MYO18B: variants seen among roughly 807,000 people sequenced by gnomAD.
MYO18B encodes myosin XVIIIB.
MYO18B carries 204 observed loss-of-function variants against 273.0 expected under a neutral mutation model. The observed-to-expected ratio is 0.75, with a 90% CI of 0.67 to 0.84. The LOEUF is 0.84. Among genes scored for constraint, MYO18B ranks in the 40% least tolerant of loss-of-function variants. The pLI is 0.00. For missense variants in MYO18B, 3,212 were observed against 3,287.6 expected, an observed-to-expected ratio of 0.98 and a Z score of 0.56; for synonymous variants, 1,330 against 1,305.7, an observed-to-expected ratio of 1.02 and a Z score of -0.40.
At chr22:25,876,445 C>G (rs1286942402) in intron 24 of MYO18B, 113 bp downstream of exon 24, 3 of 1,195,000 alleles carry the variant, frequency 2.5e-6, no homozygotes, top group Non-Finnish European at 3.4e-6. Flanking sequence ...TCTAGGAATG[C>G]TCAGCCCAAC....
intron 34 of MYO18B, among the ~76,000 whole-genome samples, chr22:25,928,084 CATGGT>C (rs781222748): frequency 1.3e-5 from 2 of 152,022 alleles, no homozygotes; most frequent in Non-Finnish European, 2.9e-5. Context: ...TTCAGTTCGG[CATGGT>C]ATTGCTGGAG....
chr22:25,971,251 C>T (rs1394309072), intron 39 of MYO18B, among the ~76,000 whole-genome samples: 1 of 152,236 alleles, frequency 6.6e-6, no homozygotes, highest in Non-Finnish European at 1.5e-5. Flanking sequence ...AACTCTTGCT[C>T]TATGCTCTGT....
chr22:25,766,602 G>A (rs945299737), intron 3 of MYO18B, among the ~76,000 whole-genome samples: 4 of 152,154 alleles, frequency 2.6e-5, no homozygotes, highest in Non-Finnish European at 4.4e-5. Context: ...GGGTATAGAA[G>A]ATGAGTAGAC....
chr22:25,785,401 G>A (rs1272588070), intron 10 of MYO18B, 27 bp from the exon 11 acceptor site: 16 of 1,592,518 alleles, frequency 1.0e-5, no homozygotes, highest in Non-Finnish European at 1.4e-5. Context: ...CAGCCCCCCT[G>A]ACTCCTGGTT....
chr22:25,782,966 T>C (rs753956045), intron 10 of MYO18B, among the ~76,000 whole-genome samples: 1 of 152,220 alleles, frequency 6.6e-6, no homozygotes, highest in Non-Finnish European at 1.5e-5. Context: ...CTCCACTTGT[T>C]GGCTGTGTGA....
At chr22:26,024,090 T>G (rs1038534654) in intron 42 of MYO18B, among the ~76,000 whole-genome samples, 2 of 152,246 alleles carry the variant, frequency 1.3e-5, no homozygotes, top group Non-Finnish European at 2.9e-5. Context: ...CCATTCATTC[T>G]TCTATGCATC....
chr22:25,756,459 G>A (rs1227219927), intron 1 of MYO18B: 1 of 152,226 alleles, frequency 6.6e-6, no homozygotes, highest in East Asian at 1.9e-4. Flanking sequence ...GCTGATAGGC[G>A]TGGAATGGCC....
intron 39 of MYO18B, among the ~76,000 whole-genome samples, chr22:25,990,716 A>AAAAAAAAAAAAAAAAAAAAAAAAAAC: frequency 2.3e-5 from 1 of 44,362 alleles, no homozygotes; most frequent in Middle Eastern, 9.3e-3. Context: ...AAAAAAAAAA[A>AAAAAAAAAAAAAAAAAAAAAAAAAAC]AAAAGAAAAA....
chr22:25,963,160 C>CCTCTCTCT (rs35189393), intron 39 of MYO18B, among the ~76,000 whole-genome samples: 40 of 132,938 alleles, frequency 3.0e-4, no homozygotes, highest in African/African-American at 1.0e-3. Context: ...TCCTCTTTCT[C>CCTCTCTCT]CTCTCTCTCT....
chr22:25,978,522 C>G (rs180724461), intron 39 of MYO18B, among the ~76,000 whole-genome samples: 1 of 152,304 alleles, frequency 6.6e-6, no homozygotes, highest in Non-Finnish European at 1.5e-5. Flanking sequence ...AAAGTTGGGA[C>G]TGTGGGAACT....
At chr22:25,985,471 G>A (rs1421096020) in intron 39 of MYO18B, among the ~76,000 whole-genome samples, 1 of 152,146 alleles carries the variant, frequency 6.6e-6, no homozygotes, top group Admixed American at 6.5e-5. Context: ...CTTCCCAGTC[G>A]TTATTCCTGC....
chr22:25,892,678 C>T (rs916360874), intron 27 of MYO18B: 10 of 152,162 alleles, frequency 6.6e-5, no homozygotes, highest in Admixed American at 2.0e-4. Flanking sequence ...TTTTCTGTTT[C>T]ATTCTTGTTC....
chr22:25,886,054 AC>A (rs1388260926), intron 25 of MYO18B, among the ~76,000 whole-genome samples: 8 of 152,212 alleles, frequency 5.3e-5, no homozygotes, highest in Non-Finnish European at 7.3e-5. Flanking sequence ...TTAAGTAGCC[AC>A]CACCTGGCTG....
At chr22:25,876,166 G>T in intron 23 of MYO18B, 23 bp from the exon 24 acceptor site, 1 of 1,604,344 alleles carries the variant, frequency 6.2e-7, no homozygotes, top group East Asian at 2.2e-5. Context: ...GGACCCTCCA[G>T]TCTGTGTTCT....
intron 34 of MYO18B, among the ~76,000 whole-genome samples, chr22:25,935,638 G>A (rs1392624042): frequency 1.3e-5 from 2 of 152,086 alleles, no homozygotes; most frequent in African/African-American, 4.8e-5. Flanking sequence ...GGGGTACTTG[G>A]TTATAATTGG....
intron 12 of MYO18B, among the ~76,000 whole-genome samples, chr22:25,814,291 GTTCTTTTTTTTTTTTTTTTTTTT>G (rs2088899851): frequency 1.2e-5 from 1 of 84,624 alleles, no homozygotes; most frequent in Admixed American, 1.7e-4. Flanking sequence ...CCCAGGCACC[GTTCTTTTTTTTTTTTTTTTTTTT>G]TTTTTTTTTT....
chr22:26,013,151 A>G (rs1202079671), intron 42 of MYO18B, among the ~76,000 whole-genome samples: 1 of 152,132 alleles, frequency 6.6e-6, no homozygotes, highest in Non-Finnish European at 1.5e-5. Flanking sequence ...GCAGTAATTC[A>G]TTTATTTTCA....
chr22:25,942,543 T>G (rs1601634606), intron 34 of MYO18B, among the ~76,000 whole-genome samples: 1 of 152,208 alleles, frequency 6.6e-6, no homozygotes, highest in Non-Finnish European at 1.5e-5. Flanking sequence ...GCTCAGTAGT[T>G]AAGAGCTTGG....
intron 11 of MYO18B, among the ~76,000 whole-genome samples, chr22:25,791,109 G>A (rs1446098200): frequency 6.6e-6 from 1 of 152,196 alleles, no homozygotes; most frequent in Admixed American, 6.5e-5. Flanking sequence ...ACTCACTTTT[G>A]GGAGGTGGTG....
Sources: allele counts gnomAD v4.1 joint callset (sites outside exome capture counted in the v4.1 genomes callset), GRCh38; gene constraint gnomAD v4.1.1; transcripts MANE v1.5; gene names NCBI Gene and HGNC (gene_info 2026-07-23, HGNC 2026-07-21).